NDUFAF6: variants seen among roughly 807,000 people sequenced by gnomAD.
NDUFAF6 encodes the protein NADH:ubiquinone oxidoreductase complex assembly factor 6.
Under a neutral mutation model 40.8 loss-of-function variants are expected in NDUFAF6, and 45 were observed. That is an observed-to-expected ratio of 1.10 (90% confidence interval 0.87 to 1.42). The LOEUF is 1.42. NDUFAF6 is among the 40% of genes most tolerant of loss of function. The pLI, the probability that NDUFAF6 is intolerant of heterozygous loss-of-function variation, is 0.00. For synonymous variants in NDUFAF6, 185 were observed against 155.9 expected, an observed-to-expected ratio of 1.19 and a Z score of -1.39; for missense variants, 435 against 418.5, an observed-to-expected ratio of 1.04 and a Z score of -0.34.
chr8:95,005,722 G>A (rs1005614531), intron 2 of NDUFAF6, among the ~76,000 whole-genome samples: 9 of 151,448 alleles, frequency 5.9e-5, no homozygotes, highest in African/African-American at 2.2e-4. Context: ...CACCTTTTCT[G>A]CCCTTTGTGT....
chr8:95,104,769 C>A (rs1466169), downstream of NDUFAF6, among the ~76,000 whole-genome samples: 791 of 152,132 alleles, frequency 5.2e-3, 5 homozygotes, highest in African/African-American at 0.01. Flanking sequence ...CTGCAGCCCC[C>A]TCACAGCAAG....
intron 2 of NDUFAF6, chr8:94,951,087 C>G (rs373244731): frequency 6.6e-6 from 1 of 151,298 alleles, no homozygotes; most frequent in African/African-American, 2.5e-5. Flanking sequence ...TTCCAAGCCT[C>G]GTCATTAAGC....
chr8:94,924,765 CAG>C (rs1819747727), intron 1 of NDUFAF6, among the ~76,000 whole-genome samples: 2 of 152,116 alleles, frequency 1.3e-5, no homozygotes, highest in South Asian at 2.1e-4. Context: ...TTTTTTGAGA[CAG>C]AGTCTCACTC....
intron 2 of NDUFAF6, among the ~76,000 whole-genome samples, chr8:95,012,995 A>G (rs1435787979): frequency 2.0e-5 from 3 of 152,086 alleles, no homozygotes; most frequent in African/African-American, 7.2e-5. Flanking sequence ...TTATCAACCT[A>G]CTACTCCCAA....
At chr8:95,023,237 T>C (rs543407341), upstream of NDUFAF6, 30 of 152,266 alleles carry the variant, frequency 2.0e-4, no homozygotes, top group African/African-American at 7.2e-4. Context: ...ATCAGGGAAA[T>C]ATGCACTGTC....
downstream of NDUFAF6, chr8:95,078,658 A>ATATATATATATATAT (rs1434290595): frequency 4.8e-5 from 3 of 62,638 alleles, no homozygotes; most frequent in Admixed American, 2.2e-4. Context: ...TTAAAAAAAA[A>ATATATATATATATAT]AAAAATATAT....
At chr8:94,910,019 A>G (rs2131217478) in intron 1 of NDUFAF6, among the ~76,000 whole-genome samples, 1 of 150,904 alleles carries the variant, frequency 6.6e-6, no homozygotes, top group Non-Finnish European at 1.5e-5. Context: ...TAGGAAACTC[A>G]TGTTCTCTCC....
chr8:95,054,909 ACT>A (rs1255588485), intron 8 of NDUFAF6, among the ~76,000 whole-genome samples: 1 of 151,472 alleles, frequency 6.6e-6, no homozygotes, highest in Non-Finnish European at 1.5e-5. Flanking sequence ...CAGTTTAAAA[ACT>A]CTTTGAATAT....
chr8:94,945,745 C>T (rs1821926643), intron 2 of NDUFAF6: 1 of 152,208 alleles, frequency 6.6e-6, no homozygotes, highest in African/African-American at 2.4e-5. Context: ...AGAGGACAAA[C>T]TTACAAATAC....
chr8:94,993,679 G>A (rs1250441354), intron 2 of NDUFAF6, among the ~76,000 whole-genome samples: 1 of 152,192 alleles, frequency 6.6e-6, no homozygotes, highest in Admixed American at 6.5e-5. Flanking sequence ...GGACCATCCA[G>A]CTGTTCTTGC....
At chr8:95,040,241 T>A (rs1420509009) in intron 3 of NDUFAF6, among the ~76,000 whole-genome samples, 1 of 152,250 alleles carries the variant, frequency 6.6e-6, no homozygotes, top group African/African-American at 2.4e-5. Flanking sequence ...ATTGAAGTTA[T>A]GGATTCTTAG....
At chr8:94,959,759 C>T (rs184425282) in intron 1 of NDUFAF6, among the ~76,000 whole-genome samples, 5 of 152,232 alleles carry the variant, frequency 3.3e-5, no homozygotes, top group African/African-American at 9.6e-5. Context: ...AGGCTGGTCT[C>T]GAATTCCTGG....
chr8:94,987,487 C>T (rs1275986166), intron 2 of NDUFAF6, among the ~76,000 whole-genome samples: 1 of 141,662 alleles, frequency 7.1e-6, no homozygotes, highest in African/African-American at 2.5e-5. Context: ...ATTTGTGGGA[C>T]TCAATATGTT....
chr8:95,090,856 C>G (rs1177184530), intron 2 of NDUFAF6, among the ~76,000 whole-genome samples: 1 of 152,150 alleles, frequency 6.6e-6, no homozygotes, highest in Admixed American at 6.6e-5. Flanking sequence ...AGCATCCCAG[C>G]CCACATTTTT....
intron 9 of NDUFAF6, among the ~76,000 whole-genome samples, chr8:95,074,352 C>T (rs913177026): frequency 1.3e-5 from 2 of 151,962 alleles, no homozygotes; most frequent in Non-Finnish European, 2.9e-5. Flanking sequence ...CTGACTTGTG[C>T]GACTTGTGTG....
At chr8:95,012,739 G>C (rs1202139928) in intron 2 of NDUFAF6, among the ~76,000 whole-genome samples, 1 of 152,076 alleles carries the variant, frequency 6.6e-6, no homozygotes, top group Admixed American at 6.6e-5. Flanking sequence ...TGGGAAGATC[G>C]CTTGAGCATG....
intron 1 of NDUFAF6, among the ~76,000 whole-genome samples, chr8:94,980,565 T>G (rs984813887): frequency 7.2e-5 from 10 of 139,110 alleles, no homozygotes; most frequent in Non-Finnish European, 1.2e-4. Flanking sequence ...AGCCTCAGCC[T>G]CCTGAATAGC....
At chr8:95,065,301 A>T (rs765675241) in intron 9 of NDUFAF6, among the ~76,000 whole-genome samples, 2 of 152,164 alleles carry the variant, frequency 1.3e-5, no homozygotes, top group Non-Finnish European at 2.9e-5. Flanking sequence ...ATCTGACGCT[A>T]TCTCTAGGTA....
At chr8:95,094,924 T>C (rs548002568) in intron 2 of NDUFAF6, among the ~76,000 whole-genome samples, 8 of 151,044 alleles carry the variant, frequency 5.3e-5, no homozygotes, top group African/African-American at 1.7e-4. Context: ...AGCTAATTTC[T>C]TAATTTTTTG....
Sources: allele counts gnomAD v4.1 joint callset (sites outside exome capture counted in the v4.1 genomes callset), GRCh38; gene constraint gnomAD v4.1.1; transcripts MANE v1.5; gene names NCBI Gene and HGNC (gene_info 2026-07-23, HGNC 2026-07-21).